Variants in MYO3B observed in about 807,000 individuals in gnomAD.
MYO3B encodes myosin IIIB.
MYO3B carries 156 observed loss-of-function variants against 174.6 expected under a neutral mutation model. That is an observed-to-expected ratio of 0.89 (90% CI 0.78 to 1.02). The LOEUF (loss-of-function observed/expected upper bound fraction) is 1.02, where lower values mean the gene tolerates loss of function less well. Ranked by LOEUF, MYO3B falls within the 50% of genes least tolerant of loss-of-function variation. The pLI, the probability that MYO3B is intolerant of heterozygous loss-of-function variation, is 0.00. For synonymous variants in MYO3B, 563 were observed against 569.1 expected, an observed-to-expected ratio of 0.99 and a Z score of 0.15; for missense variants, 1,632 against 1,639.4, an observed-to-expected ratio of 1.00 and a Z score of 0.08.
intron 28 of MYO3B, among the ~76,000 whole-genome samples, chr2:170,502,923 C>T (rs1035946181): frequency 3.7e-4 from 56 of 152,276 alleles, no homozygotes; most frequent in East Asian, 1.9e-4. Flanking sequence ...AATAGTTGGG[C>T]GGAAAGAGTG....
At chr2:170,620,855 T>TTGGA (rs1695851438) in intron 32 of MYO3B, among the ~76,000 whole-genome samples, 1 of 152,208 alleles carries the variant, frequency 6.6e-6, no homozygotes, top group South Asian at 2.1e-4. Flanking sequence ...GAGAAAGACA[T>TTGGA]GATCTCTAGC....
intron 32 of MYO3B, among the ~76,000 whole-genome samples, chr2:170,620,520 G>A (rs1449151425): frequency 6.6e-6 from 1 of 152,216 alleles, no homozygotes; most frequent in Non-Finnish European, 1.5e-5. Context: ...AGGCTAACAA[G>A]TTAGCCTGCC....
At position 170,499,849 on chromosome 2, in the gene MYO3B, G is replaced by A. The variant is rs762895321; in HGVS notation, c.3289+41G>A. 6 of 1,597,302 alleles carry A rather than the reference G, an allele frequency of 3.8e-6. No individual in the cohort carries two copies. The South Asian group carries it at 5.6e-5, about 15-fold the overall frequency. ...CTCATAAATACTGCCCTGGGTATTG[G>A]CATGTCATTAAGTACTGGGGAATAC... is the stretch of plus-strand genomic sequence containing the variant. On this transcript the variant is annotated intron_variant, in intron 27 of 34. Coordinates refer to ENST00000408978, the MANE Select transcript of MYO3B (RefSeq NM_138995.5).
At chr2:170,374,751 G>GCATA (rs1403882761) in intron 9 of MYO3B, among the ~76,000 whole-genome samples, 4 of 99,550 alleles carry the variant, frequency 4.0e-5, no homozygotes, top group Non-Finnish European at 5.7e-5. Flanking sequence ...ATATATATAT[G>GCATA]CATACATACA....
intron 7 of MYO3B, among the ~76,000 whole-genome samples, chr2:170,296,352 T>C (rs1186537186): frequency 6.6e-6 from 1 of 152,172 alleles, no homozygotes; most frequent in Non-Finnish European, 1.5e-5. Flanking sequence ...GAAATACAAG[T>C]TGCTATTCTG....
chr2:170,630,354 T>G (rs954565338), intron 32 of MYO3B, among the ~76,000 whole-genome samples: 10 of 152,254 alleles, frequency 6.6e-5, no homozygotes, highest in Middle Eastern at 3.4e-3. Context: ...TGGAGGGGTG[T>G]CCACCATTGC....
chr2:170,317,342 C>T (rs562527858), intron 7 of MYO3B, among the ~76,000 whole-genome samples: 8 of 152,262 alleles, frequency 5.3e-5, no homozygotes, highest in East Asian at 1.9e-4. Context: ...AGTTGCCTAG[C>T]GAACTTGTTA....
intron 22 of MYO3B, among the ~76,000 whole-genome samples, chr2:170,415,098 A>T (rs1241302935): frequency 6.6e-6 from 1 of 152,156 alleles, no homozygotes; most frequent in Non-Finnish European, 1.5e-5. Context: ...ACTGGCTAGG[A>T]CTTCCAGTAT....
chr2:170,405,324 C>A (rs1051172733), intron 20 of MYO3B, among the ~76,000 whole-genome samples: 1 of 152,138 alleles, frequency 6.6e-6, no homozygotes, highest in African/African-American at 2.4e-5. Context: ...GGAGAATATA[C>A]GATCTTAGAG....
intron 7 of MYO3B, among the ~76,000 whole-genome samples, chr2:170,297,525 T>C (rs534072512): frequency 4.0e-4 from 61 of 152,314 alleles, no homozygotes; most frequent in African/African-American, 1.4e-3. Context: ...TTGATGTTCA[T>C]ATCTATAAAG....
At chr2:170,250,221 G>A (rs926178862) in intron 7 of MYO3B, among the ~76,000 whole-genome samples, 4 of 152,140 alleles carry the variant, frequency 2.6e-5, no homozygotes, top group Non-Finnish European at 5.9e-5. Flanking sequence ...AAAATATTTT[G>A]GGGGTACTGT....
intron 1 of MYO3B, among the ~76,000 whole-genome samples, chr2:170,178,917 A>T (rs1330723323): frequency 6.6e-6 from 1 of 152,218 alleles, no homozygotes; most frequent in Non-Finnish European, 1.5e-5. Context: ...CAATGTAAAC[A>T]ATAGTAGATA....
chr2:170,556,603 C>G (rs1691313682), intron 32 of MYO3B, among the ~76,000 whole-genome samples: 1 of 152,018 alleles, frequency 6.6e-6, no homozygotes, highest in Non-Finnish European at 1.5e-5. Flanking sequence ...CTCACTGCAA[C>G]TTCTGCCTCC....
intron 8 of MYO3B, among the ~76,000 whole-genome samples, chr2:170,357,291 G>A (rs984233718): frequency 6.7e-6 from 1 of 149,440 alleles, no homozygotes; most frequent in Non-Finnish European, 1.5e-5. Context: ...GGGCAACAGA[G>A]AGAGACTCCA....
At chr2:170,240,201 C>A (rs551283925) in intron 7 of MYO3B, among the ~76,000 whole-genome samples, 1 of 152,292 alleles carries the variant, frequency 6.6e-6, no homozygotes, top group Non-Finnish European at 1.5e-5. Context: ...GTAGACATAT[C>A]TTTTGGGGTT....
chr2:170,519,756 T>A (rs1688548731), intron 30 of MYO3B: 27 of 430,710 alleles, frequency 6.3e-5, no homozygotes, highest in South Asian at 6.0e-4. Context: ...GTGGATCACC[T>A]GAGGTCAGGA....
chr2:170,636,317 C>T (rs1398600456), intron 32 of MYO3B, among the ~76,000 whole-genome samples: 1 of 152,034 alleles, frequency 6.6e-6, no homozygotes. Context: ...TGAAGATAAC[C>T]TAACTTCCAA....
chr2:170,554,371 T>C (rs1359442062), intron 32 of MYO3B, among the ~76,000 whole-genome samples: 1 of 152,154 alleles, frequency 6.6e-6, no homozygotes, highest in African/African-American at 2.4e-5. Flanking sequence ...TCCACAAAGG[T>C]CAGTGCTTTT....
At chr2:170,421,783 A>G (rs771229999) in intron 22 of MYO3B, among the ~76,000 whole-genome samples, 3 of 152,196 alleles carry the variant, frequency 2.0e-5, no homozygotes, top group African/African-American at 7.2e-5. Context: ...AAATACGTGT[A>G]TGATGTGGCT....
Sources: allele counts gnomAD v4.1 joint callset (sites outside exome capture counted in the v4.1 genomes callset), GRCh38; gene constraint gnomAD v4.1.1; transcripts MANE v1.5; gene names NCBI Gene and HGNC (gene_info 2026-07-23, HGNC 2026-07-21).